Variants in SGCZ observed in about 807,000 individuals in gnomAD.
SGCZ encodes zeta-sarcoglycan.
Under a neutral mutation model 41.3 loss-of-function variants are expected in SGCZ, and 40 were observed. The observed-to-expected ratio is 0.97, with a 90% CI of 0.75 to 1.26. The LOEUF is 1.26. SGCZ is among the 50% of genes most tolerant of loss of function. The pLI is 0.00. For missense variants in SGCZ, 552 were observed against 369.8 expected (o/e 1.49, Z -4.04); for synonymous variants, 206 against 137.5 (o/e 1.50, Z -3.49).
At chr8:14,381,061 C>T (rs1804343480) in intron 2 of SGCZ, among the ~76,000 whole-genome samples, 1 of 152,060 alleles carries the variant, frequency 6.6e-6, no homozygotes, top group East Asian at 1.9e-4. Context: ...ATTATCTTTT[C>T]ATCTGACTTG....
At chr8:14,914,628 T>C (rs184269277) in intron 1 of SGCZ, among the ~76,000 whole-genome samples, 91 of 152,226 alleles carry the variant, frequency 6.0e-4, no homozygotes, top group Non-Finnish European at 1.1e-3. Context: ...TAATTCAAGA[T>C]CTAAATGGAG....
At chr8:14,586,411 T>C (rs1351657671) in intron 1 of SGCZ, among the ~76,000 whole-genome samples, 1 of 152,170 alleles carries the variant, frequency 6.6e-6, no homozygotes, top group Middle Eastern at 3.4e-3. Context: ...ACAGGGTTTT[T>C]CCATGTTGGC....
At chr8:14,387,995 T>C (rs1804635419) in intron 2 of SGCZ, among the ~76,000 whole-genome samples, 1 of 152,226 alleles carries the variant, frequency 6.6e-6, no homozygotes, top group Admixed American at 6.5e-5. Context: ...TGATTAATCA[T>C]ACACAATATA....
intron 4 of SGCZ, among the ~76,000 whole-genome samples, chr8:14,216,189 T>C (rs1805987628): frequency 6.6e-6 from 1 of 152,208 alleles, no homozygotes; most frequent in Non-Finnish European, 1.5e-5. Flanking sequence ...GATCAGTTTC[T>C]TTACATCCCC....
chr8:15,136,504 C>G (rs1044029519), intron 1 of SGCZ, among the ~76,000 whole-genome samples: 28 of 152,094 alleles, frequency 1.8e-4, no homozygotes, highest in African/African-American at 6.0e-4. Context: ...GCTGAGTCCC[C>G]ACCCAAATCT....
intron 1 of SGCZ, among the ~76,000 whole-genome samples, chr8:14,707,297 A>T (rs1278889452): frequency 6.7e-6 from 1 of 149,994 alleles, no homozygotes; most frequent in Non-Finnish European, 1.5e-5. Context: ...ATTCTTTTTT[A>T]AAAAGTCAGT....
At chr8:15,176,414 C>T (rs946160055) in intron 1 of SGCZ, among the ~76,000 whole-genome samples, 43 of 151,992 alleles carry the variant, frequency 2.8e-4, no homozygotes, top group African/African-American at 9.9e-4. Context: ...TGGCATTTGA[C>T]GGCAAATAGT....
At chr8:14,294,296 C>T (rs1445372192) in intron 3 of SGCZ, among the ~76,000 whole-genome samples, 1 of 151,678 alleles carries the variant, frequency 6.6e-6, no homozygotes, top group Non-Finnish European at 1.5e-5. Flanking sequence ...ATATGTCATT[C>T]TCACCGACAC....
At chr8:14,677,898 A>C (rs996819105) in intron 1 of SGCZ, among the ~76,000 whole-genome samples, 5 of 152,230 alleles carry the variant, frequency 3.3e-5, no homozygotes, top group African/African-American at 1.2e-4. Context: ...ATCTGACCCT[A>C]GTATTTACTA....
intron 1 of SGCZ, among the ~76,000 whole-genome samples, chr8:14,644,619 T>C (rs141959628): frequency 3.3e-5 from 5 of 151,962 alleles, no homozygotes; most frequent in African/African-American, 7.2e-5. Flanking sequence ...TCTGTGGCTC[T>C]TGAACTCTTT....
chr8:14,266,672 TGAG>T (rs1192179569), intron 3 of SGCZ, among the ~76,000 whole-genome samples: 1 of 152,096 alleles, frequency 6.6e-6, no homozygotes, highest in African/African-American at 2.4e-5. Flanking sequence ...TGGGTCATTG[TGAG>T]GGTTTTTATC....
intron 3 of SGCZ, among the ~76,000 whole-genome samples, chr8:14,316,426 A>G (rs1801716725): frequency 6.6e-6 from 1 of 151,956 alleles, no homozygotes; most frequent in Admixed American, 6.6e-5. Flanking sequence ...AAATGATAAA[A>G]TCATCTTGAT....
rs184909047 is a variant in SGCZ at position 14,094,836 on chromosome 8, C to T, written c.745-4199G>A. Among the ~76,000 whole-genome samples, 1,182 of 152,126 alleles carry T rather than the reference C, an allele frequency of 7.8e-3. 9 individuals are homozygous for T. The highest frequency in any genetic ancestry group is 0.013 in the Non-Finnish European group (876 of 67,984). On this transcript the variant is annotated intron_variant, in intron 7 of 7. Transcript: ENST00000382080. ...TTTTAATGATCACCATTCTAACTGG[C>T]GTGAGATGGTATCTCATTGTGGTTT...
At chr8:14,433,480 C>T (rs976237128) in intron 2 of SGCZ, among the ~76,000 whole-genome samples, 1 of 152,142 alleles carries the variant, frequency 6.6e-6, no homozygotes, top group Admixed American at 6.5e-5. Flanking sequence ...ATCATCAACT[C>T]TACTGTGCTG....
At chr8:14,915,523 G>T (rs1043889361) in intron 1 of SGCZ, among the ~76,000 whole-genome samples, 1 of 152,156 alleles carries the variant, frequency 6.6e-6, no homozygotes, top group South Asian at 2.1e-4. Context: ...ACATGTTCAA[G>T]ATGGCGGCCC....
chr8:14,727,571 C>G (rs1348566744), intron 1 of SGCZ, among the ~76,000 whole-genome samples: 1 of 150,794 alleles, frequency 6.6e-6, no homozygotes, highest in Non-Finnish European at 1.5e-5. Context: ...AGTGCAGTGG[C>G]CAGATCTGAG....
intron 3 of SGCZ, among the ~76,000 whole-genome samples, chr8:14,300,932 CAAG>C (rs2116971181): frequency 6.6e-6 from 1 of 151,944 alleles, no homozygotes; most frequent in African/African-American, 2.4e-5. Flanking sequence ...AGATAATGTT[CAAG>C]AAGGAGGTAG....
chr8:14,424,619 G>C (rs543110796), intron 2 of SGCZ, among the ~76,000 whole-genome samples: 12 of 132,358 alleles, frequency 9.1e-5, no homozygotes, highest in Admixed American at 2.2e-4. Flanking sequence ...AACAGCTTTT[G>C]TTGTCATTTT....
chr8:15,194,460 C>T (rs1052145150), intron 1 of SGCZ, among the ~76,000 whole-genome samples: 4 of 152,126 alleles, frequency 2.6e-5, no homozygotes, highest in East Asian at 1.9e-4. Flanking sequence ...ATCCCGAAAA[C>T]GCATGAATAT....
Sources: gnomAD v4.1 joint callset for allele counts (sites outside exome capture counted in the v4.1 genomes callset) on GRCh38, gnomAD v4.1.1 for gene constraint, MANE v1.5 for transcripts, NCBI Gene and HGNC (gene_info 2026-07-23, HGNC 2026-07-21) for gene names.